LRRC37A2: variants seen among roughly 807,000 people sequenced by gnomAD.
LRRC37A2 encodes the protein leucine-rich repeat-containing protein 37A2.
In LRRC37A2, 9 loss-of-function variants were observed where a neutral mutation model predicts 68.8. That is an observed-to-expected ratio of 0.13 (90% CI 0.08 to 0.23). The LOEUF is 0.23. LRRC37A2 is among the 10% of genes least tolerant of loss of function. LRRC37A2 has a pLI of 1.00. For missense variants in LRRC37A2, 168 were observed against 950.4 expected (o/e 0.18, Z 10.82); for synonymous variants, 63 against 367.6 (o/e 0.17, Z 9.48).
chr17:46,730,982 G>A, the LRRC37A2 span, among the ~76,000 whole-genome samples: 1 of 152,082 alleles, frequency 6.6e-6, no homozygotes, highest in Non-Finnish European at 1.5e-5. Context: ...TCCTCAAGAG[G>A]TTAAGCATAG....
the LRRC37A2 span, among the ~76,000 whole-genome samples, chr17:46,771,884 C>T: frequency 6.9e-6 from 1 of 144,590 alleles, no homozygotes; most frequent in African/African-American, 2.5e-5. Context: ...CGGCGCCCGC[C>T]CCCGCCCCTG....
the LRRC37A2 span, chr17:46,768,877 G>C: frequency 6.4e-7 from 1 of 1,561,658 alleles, no homozygotes; most frequent in South Asian, 1.2e-5. This position sits in a 1 kb window ranked among gnomAD's most constrained non-coding sequence, Gnocchi z 5.0. Flanking sequence ...CTCTGCCACT[G>C]CCCACCCCCT....
chr17:46,735,106 A>G, the LRRC37A2 span, among the ~76,000 whole-genome samples: 2 of 152,236 alleles, frequency 1.3e-5, no homozygotes, highest in African/African-American at 4.8e-5. Flanking sequence ...ACATTGCTAC[A>G]GATATCTGCT....
At chr17:46,999,286 G>A in the LRRC37A2 span, among the ~76,000 whole-genome samples, 2 of 152,112 alleles carry the variant, frequency 1.3e-5, no homozygotes, top group African/African-American at 4.8e-5. Context: ...ATGCTGTGAA[G>A]ATGAGATGAC....
the LRRC37A2 span, among the ~76,000 whole-genome samples, chr17:47,020,767 G>C: frequency 3.3e-5 from 1 of 30,268 alleles, no homozygotes; most frequent in African/African-American, 1.2e-4. Flanking sequence ...GGGTGACAGA[G>C]CAAGACTCCA....
the LRRC37A2 span, among the ~76,000 whole-genome samples, chr17:46,998,265 G>A: frequency 2.0e-5 from 3 of 152,220 alleles, no homozygotes; most frequent in Non-Finnish European, 4.4e-5. Flanking sequence ...AGAAGGCTAC[G>A]GGGTATGCTG....
At chr17:46,495,638 G>T in the LRRC37A2 span, among the ~76,000 whole-genome samples, 3 of 150,898 alleles carry the variant, frequency 2.0e-5, 1 homozygote, top group African/African-American at 7.5e-5. Flanking sequence ...GTCTGCCTTG[G>T]CCTCCCAAAG....
the LRRC37A2 span, among the ~76,000 whole-genome samples, chr17:46,500,177 C>G: frequency 6.7e-6 from 1 of 149,198 alleles, no homozygotes; most frequent in African/African-American, 2.6e-5. Context: ...TTCATGCAGA[C>G]CACTTGACTT....
At chr17:46,714,041 T>C in the LRRC37A2 span, 2 of 1,515,250 alleles carry the variant, frequency 1.3e-6, no homozygotes. Flanking sequence ...TGTGTGTGTG[T>C]GCACATATAT....
the LRRC37A2 span, among the ~76,000 whole-genome samples, chr17:46,843,495 G>T: frequency 6.6e-6 from 1 of 152,116 alleles, no homozygotes; most frequent in Admixed American, 6.5e-5. Flanking sequence ...AGTTGCCATT[G>T]TCTTAGCTAC....
chr17:46,881,609 T>C, the LRRC37A2 span, among the ~76,000 whole-genome samples: 1,033 of 152,282 alleles, frequency 6.8e-3, 12 homozygotes, highest in African/African-American at 0.023. Flanking sequence ...TGAGCCTTAC[T>C]TTGTTCCTGC....
the LRRC37A2 span, chr17:46,833,095 A>G: frequency 2.8e-6 from 1 of 355,944 alleles, no homozygotes; most frequent in East Asian, 7.5e-5. Flanking sequence ...AGGAAAGAGC[A>G]AAAAGAGGGG....
chr17:46,541,565 T>A (rs949228354), intron 8 of LRRC37A2, among the ~76,000 whole-genome samples: 4 of 150,740 alleles, frequency 2.7e-5, no homozygotes, highest in Non-Finnish European at 5.9e-5. Flanking sequence ...CTCAGCAGAA[T>A]TTTTTTTGAG....
the LRRC37A2 span, among the ~76,000 whole-genome samples, chr17:46,898,201 T>C: frequency 0.032 from 4,900 of 152,256 alleles, 86 homozygotes; most frequent in Middle Eastern, 0.071. Flanking sequence ...CTTGCTGAGA[T>C]ACCCCAAGGA....
chr17:46,889,657 G>A, the LRRC37A2 span, among the ~76,000 whole-genome samples: 1 of 152,166 alleles, frequency 6.6e-6, no homozygotes, highest in Non-Finnish European at 1.5e-5. Context: ...CCTGGATGGA[G>A]GGGGTCCACA....
chr17:46,754,136 G>A, the LRRC37A2 span, among the ~76,000 whole-genome samples: 4 of 143,232 alleles, frequency 2.8e-5, no homozygotes, highest in East Asian at 2.1e-4. Context: ...CTACAACTGC[G>A]CTCCAGCCAG....
At chr17:46,805,598 A>T in the LRRC37A2 span, among the ~76,000 whole-genome samples, 1 of 152,122 alleles carries the variant, frequency 6.6e-6, no homozygotes, top group African/African-American at 2.4e-5. Flanking sequence ...AATAAAAATT[A>T]AAAAAATTAG....
At chr17:46,818,889 C>T in the LRRC37A2 span, 2 of 493,198 alleles carry the variant, frequency 4.1e-6, no homozygotes, top group Non-Finnish European at 3.6e-6. Flanking sequence ...CCGGGAAGGG[C>T]ATCGCCCAGC....
the LRRC37A2 span, among the ~76,000 whole-genome samples, chr17:46,734,690 A>G: frequency 4.1e-3 from 626 of 152,298 alleles, 5 homozygotes; most frequent in African/African-American, 0.014. Context: ...CCTGTGGACT[A>G]CATAGATAGA....
Sources: allele counts gnomAD v4.1 joint callset (sites outside exome capture counted in the v4.1 genomes callset), GRCh38; gene constraint gnomAD v4.1.1; non-coding constraint Gnocchi (gnomAD v3.1); transcripts MANE v1.5; gene names NCBI Gene and HGNC (gene_info 2026-07-23, HGNC 2026-07-21).